The following MACROD2 variants were observed in gnomAD, a reference collection of about 807,000 sequenced individuals.
MACROD2 encodes the protein mono-ADP ribosylhydrolase 2.
Under a neutral mutation model 70.4 loss-of-function variants are expected in MACROD2, and 36 were observed. The observed-to-expected ratio is 0.51, with a 90% CI of 0.39 to 0.68. The LOEUF is 0.68. MACROD2 is among the 30% of genes least tolerant of loss of function. The pLI, the probability that MACROD2 is intolerant of heterozygous loss-of-function variation, is 0.00. For missense variants in MACROD2, 496 were observed against 538.4 expected, an observed-to-expected ratio of 0.92 and a Z score of 0.78; for synonymous variants, 172 against 178.8, an observed-to-expected ratio of 0.96 and a Z score of 0.30.
chr20:14,966,026 T>C (rs1430836976), intron 5 of MACROD2, among the ~76,000 whole-genome samples: 2 of 152,152 alleles, frequency 1.3e-5, no homozygotes, highest in East Asian at 3.9e-4. Flanking sequence ...TTTTCATTCC[T>C]CATTATTAAG....
At chr20:15,864,514 G>A (rs1335684835) in intron 9 of MACROD2, among the ~76,000 whole-genome samples, 2 of 151,734 alleles carry the variant, frequency 1.3e-5, no homozygotes, top group African/African-American at 4.8e-5. Context: ...ACTAACATAA[G>A]GTAAAAAATA....
intron 15 of MACROD2, among the ~76,000 whole-genome samples, chr20:16,032,896 T>G (rs1200476560): frequency 6.6e-6 from 1 of 151,588 alleles, no homozygotes; most frequent in African/African-American, 2.4e-5. Context: ...AGGGGAAGAC[T>G]CTGGACACCC....
chr20:15,485,720 G>A (rs2047155367), intron 7 of MACROD2, among the ~76,000 whole-genome samples: 1 of 152,108 alleles, frequency 6.6e-6, no homozygotes, highest in African/African-American at 2.4e-5. Flanking sequence ...TATACCCCAA[G>A]TGCCTTGCTG....
intron 5 of MACROD2, among the ~76,000 whole-genome samples, chr20:14,956,896 C>T (rs2074541587): frequency 6.6e-6 from 1 of 152,092 alleles, no homozygotes; most frequent in Admixed American, 6.6e-5. Context: ...CATGAATACA[C>T]GTTTATGTAA....
intron 4 of MACROD2, among the ~76,000 whole-genome samples, chr20:14,656,524 T>A (rs1985986344): frequency 6.6e-6 from 1 of 152,236 alleles, no homozygotes; most frequent in African/African-American, 2.4e-5. Context: ...TGATATAGGT[T>A]AGCTGGTTTA....
chr20:15,118,163 A>C (rs1441128040), intron 5 of MACROD2, among the ~76,000 whole-genome samples: 1 of 151,412 alleles, frequency 6.6e-6, no homozygotes, highest in East Asian at 1.9e-4. Flanking sequence ...TAAGCCAAGC[A>C]GTGCATCTAA....
At chr20:15,433,500 A>G (rs961814656) in intron 7 of MACROD2, among the ~76,000 whole-genome samples, 1 of 150,306 alleles carries the variant, frequency 6.7e-6, no homozygotes, top group Non-Finnish European at 1.5e-5. Context: ...TTAGGATTAT[A>G]CTTAACCAAG....
At position 14,806,345 on chromosome 20, in the gene MACROD2, C is replaced by T. The variant is rs1041642161; in HGVS notation, c.418+121386C>T. 3.3e-5 allele frequency among the ~76,000 whole-genome samples: 5 copies of T among 152,060 alleles called. 1 individual carries two copies. The highest frequency in any genetic ancestry group is 1.2e-4 in the African/African-American group (5 of 41,406). On this transcript the variant is annotated intron_variant, in intron 5 of 17. Transcript: ENST00000684519. ...GGGGCGTTGCCTCACTGAAGAAGCA[C>T]AAGGGGTTGGGGAACTCTCTCCTCT...
intron 3 of MACROD2, among the ~76,000 whole-genome samples, chr20:14,403,358 G>A (rs6110274): frequency 3.3e-5 from 5 of 152,034 alleles, no homozygotes; most frequent in Admixed American, 3.3e-4. Flanking sequence ...ACAGATGTAA[G>A]GCATTTTACA....
intron 5 of MACROD2, among the ~76,000 whole-genome samples, chr20:14,753,860 A>T (rs888131464): frequency 1.8e-4 from 28 of 151,478 alleles, no homozygotes; most frequent in African/African-American, 6.8e-4. Flanking sequence ...GGTACTTACA[A>T]ATATATATAT....
At chr20:15,311,270 AC>A (rs1467288702) in intron 6 of MACROD2, among the ~76,000 whole-genome samples, 1 of 152,210 alleles carries the variant, frequency 6.6e-6, no homozygotes, top group African/African-American at 2.4e-5. Flanking sequence ...GATAGCAAAA[AC>A]ATAAGCAAAA....
intron 5 of MACROD2, among the ~76,000 whole-genome samples, chr20:14,955,782 C>G (rs1401478977): frequency 6.6e-6 from 1 of 152,018 alleles, no homozygotes; most frequent in East Asian, 1.9e-4. Context: ...GGCCCCAAAA[C>G]TATAGACTGG....
intron 3 of MACROD2, among the ~76,000 whole-genome samples, chr20:14,200,545 A>G (rs2081471012): frequency 6.6e-6 from 1 of 152,164 alleles, no homozygotes; most frequent in Admixed American, 6.5e-5. Flanking sequence ...AAAAACAAAA[A>G]ACAAAAAAAG....
intron 3 of MACROD2, among the ~76,000 whole-genome samples, chr20:14,277,327 A>C (rs1030553720): frequency 1.3e-5 from 2 of 152,214 alleles, no homozygotes; most frequent in African/African-American, 4.8e-5. Context: ...ACGCACCTGT[A>C]GTCCCAGCTA....
At chr20:14,466,952 G>A (rs965983212) in intron 3 of MACROD2, among the ~76,000 whole-genome samples, 1 of 152,138 alleles carries the variant, frequency 6.6e-6, no homozygotes, top group Non-Finnish European at 1.5e-5. Context: ...CTACTCGGGG[G>A]TGCCTCCCAG....
intron 8 of MACROD2, among the ~76,000 whole-genome samples, chr20:15,522,537 A>C (rs2047666869): frequency 6.6e-6 from 1 of 152,224 alleles, no homozygotes; most frequent in South Asian, 2.1e-4. Flanking sequence ...ATTTCAATGA[A>C]AAATGTGTAT....
At chr20:14,869,228 A>G (rs1301290196) in intron 5 of MACROD2, among the ~76,000 whole-genome samples, 1 of 152,210 alleles carries the variant, frequency 6.6e-6, no homozygotes, top group Non-Finnish European at 1.5e-5. Flanking sequence ...GTGCTAGAGT[A>G]GAAAAAATAA....
intron 5 of MACROD2, among the ~76,000 whole-genome samples, chr20:14,966,754 T>C (rs1306808474): frequency 3.3e-5 from 5 of 151,734 alleles, no homozygotes; most frequent in African/African-American, 1.2e-4. Flanking sequence ...TTTGAAGTAA[T>C]CTATGTTGTT....
chr20:14,775,180 G>A (rs943764346), intron 5 of MACROD2, among the ~76,000 whole-genome samples: 1 of 152,058 alleles, frequency 6.6e-6, no homozygotes, highest in South Asian at 2.1e-4. Flanking sequence ...CTTTCTGCAT[G>A]ATCTCATTTT....
Sources: gnomAD v4.1 joint callset for allele counts (sites outside exome capture counted in the v4.1 genomes callset) on GRCh38, gnomAD v4.1.1 for gene constraint, MANE v1.5 for transcripts, NCBI Gene and HGNC (gene_info 2026-07-23, HGNC 2026-07-21) for gene names.